FRMD3: variants seen among roughly 807,000 people sequenced by gnomAD.
The protein encoded by FRMD3 is FERM domain-containing protein 3.
Under a neutral mutation model 70.2 loss-of-function variants are expected in FRMD3, and 33 were observed. The observed-to-expected ratio is 0.47, with a 90% confidence interval of 0.36 to 0.63. The LOEUF is 0.63. FRMD3 is among the 20% of genes least tolerant of loss of function. The pLI is 0.00. For missense variants in FRMD3, 632 were observed against 711.4 expected, an observed-to-expected ratio of 0.89 and a Z score of 1.27; for synonymous variants, 279 against 255.9, an observed-to-expected ratio of 1.09 and a Z score of -0.86.
chr9:83,372,415 A>T (rs1043632687), intron 3 of FRMD3, among the ~76,000 whole-genome samples: 1 of 152,140 alleles, frequency 6.6e-6, no homozygotes, highest in Admixed American at 6.6e-5. Context: ...GATTTAAAAC[A>T]ATTGCCTAGA....
At chr9:83,372,033 CAA>C (rs1824990747) in intron 3 of FRMD3, among the ~76,000 whole-genome samples, 1 of 152,188 alleles carries the variant, frequency 6.6e-6, no homozygotes, top group Admixed American at 6.5e-5. Flanking sequence ...TGAATGACGA[CAA>C]GTGACATAAT....
intron 13 of FRMD3, among the ~76,000 whole-genome samples, chr9:83,269,788 T>C (rs1251096476): frequency 1.3e-5 from 2 of 152,192 alleles, no homozygotes; most frequent in Non-Finnish European, 2.9e-5. Context: ...TAGCCAGTCA[T>C]AATATTTAGC....
At chr9:83,471,690 A>G (rs1448648616) in intron 1 of FRMD3, among the ~76,000 whole-genome samples, 1 of 152,226 alleles carries the variant, frequency 6.6e-6, no homozygotes, top group Non-Finnish European at 1.5e-5. Flanking sequence ...TCTGACCACA[A>G]TGGGCTAGAT....
chr9:83,508,724 A>C (rs928083443), intron 1 of FRMD3, among the ~76,000 whole-genome samples: 1 of 152,128 alleles, frequency 6.6e-6, no homozygotes, highest in Non-Finnish European at 1.5e-5. Context: ...ATTCTAATGC[A>C]GGGAGTGACA....
chr9:83,426,387 T>C (rs11140082), intron 1 of FRMD3, among the ~76,000 whole-genome samples: 41,830 of 152,164 alleles, frequency 0.27, 6,634 homozygotes, highest in African/African-American at 0.42. Context: ...ACAATTCCTG[T>C]TCTCAAGAAA....
chr9:83,365,939 G>T (rs1025819282), intron 3 of FRMD3, among the ~76,000 whole-genome samples: 1 of 152,078 alleles, frequency 6.6e-6, no homozygotes, highest in African/African-American at 2.4e-5. Flanking sequence ...GCATCCTAAG[G>T]CCATGGCAGG....
intron 3 of FRMD3, among the ~76,000 whole-genome samples, chr9:83,358,519 C>T (rs1221417378): frequency 7.9e-5 from 12 of 151,946 alleles, no homozygotes; most frequent in Admixed American, 5.2e-4. Context: ...AAATTGCCTT[C>T]GGCAGTATGG....
chr9:83,449,255 A>G (rs1443986520), intron 1 of FRMD3, among the ~76,000 whole-genome samples: 1 of 152,214 alleles, frequency 6.6e-6, no homozygotes, highest in Non-Finnish European at 1.5e-5. Flanking sequence ...ACATTTTACA[A>G]TTTTGAAAAC....
At chr9:83,276,487 C>T (rs1045772881) in intron 13 of FRMD3, 1 of 152,150 alleles carries the variant, frequency 6.6e-6, no homozygotes, top group African/African-American at 2.4e-5. Flanking sequence ...TCTGTGTCTC[C>T]CTGTGGAAAA....
chr9:83,464,552 T>C (rs1828066355), intron 1 of FRMD3, among the ~76,000 whole-genome samples: 1 of 152,172 alleles, frequency 6.6e-6, no homozygotes, highest in South Asian at 2.1e-4. Flanking sequence ...ATGCAAAAAG[T>C]TGAAGCAAGC....
chr9:83,267,318 AG>A, intron 13 of FRMD3: 1 of 1,426,584 alleles, frequency 7.0e-7, no homozygotes, highest in Non-Finnish European at 9.2e-7. Context: ...GGGAGGAGGG[AG>A]GGGACGCTAT....
intron 13 of FRMD3, among the ~76,000 whole-genome samples, chr9:83,264,392 A>ATT (rs1252872712): frequency 3.3e-5 from 5 of 152,230 alleles, no homozygotes; most frequent in Admixed American, 1.3e-4. Context: ...GATACATGCC[A>ATT]TTAAACATTT....
chr9:83,561,349 T>A, the FRMD3 span, among the ~76,000 whole-genome samples: 59 of 152,234 alleles, frequency 3.9e-4, no homozygotes, highest in African/African-American at 1.4e-3. Flanking sequence ...CCCTTCCTCA[T>A]CCTCTCTCTC....
In FRMD3 at chr9:83,335,568, G is replaced by C. The variant is rs1823547851; in HGVS notation, c.544C>G (p.Gln182Glu). The C allele has an allele frequency of 1.2e-6, 2 of 1,612,724 alleles. No individual in the cohort carries two copies. Among genetic ancestry groups the C allele is most frequent in the Non-Finnish European group, 1.7e-6 (2 of 1,179,066 alleles). The change falls in exon 6 of 14, where the codon CAG becomes GAG. Residue 182 changes from glutamine (Q) to glutamate (E), a missense_variant. Physicochemically the swap from Gln to Glu is conservative, Grantham distance 29. Around this residue, in one of 3 missense-constraint regions of FRMD3, gnomAD observed 208 missense variants for 247.7 expected, o/e 0.84. Coordinates refer to ENST00000304195, the MANE Select transcript of FRMD3 (RefSeq NM_174938.6). ...ATTTTTCTTTCCAGCTTCTGTGACT[G>C]CTTGGGGAAAATCTCAAACTCACTG... ...YISEFEIFPK[Q>E]SQKLERKIVE...
intron 1 of FRMD3, among the ~76,000 whole-genome samples, chr9:83,454,165 T>C (rs558304662): frequency 6.6e-6 from 1 of 152,370 alleles, no homozygotes; most frequent in African/African-American, 2.4e-5. Context: ...CATTACATAT[T>C]AGTACATCTT....
intron 6 of FRMD3, among the ~76,000 whole-genome samples, chr9:83,324,265 T>C (rs536283103): frequency 7.9e-5 from 12 of 152,304 alleles, no homozygotes; most frequent in East Asian, 7.7e-4. Context: ...CATTGACTAA[T>C]ACATATGTAT....
rs944425724 is a variant in FRMD3, at chr9:83,384,815, C to T, written c.252+4789G>A. ...GAGTCAAAATCAGAAAAGTCAACAA[C>T]ACTGATGGAAATGGGTTAAACAGAT... On this transcript the variant is annotated intron_variant, in intron 2 of 13. Coordinates refer to ENST00000304195, the MANE Select transcript of FRMD3 (RefSeq NM_174938.6). Among the ~76,000 whole-genome samples, 4 of 152,270 alleles carry T rather than the reference C, an allele frequency of 2.6e-5. No individual in the cohort carries two copies. The South Asian group carries it at 8.3e-4, about 32-fold the overall frequency.
intron 1 of FRMD3, among the ~76,000 whole-genome samples, chr9:83,470,881 A>G (rs1309837757): frequency 6.6e-6 from 1 of 152,260 alleles, no homozygotes; most frequent in Non-Finnish European, 1.5e-5. Context: ...ATGCAATAAA[A>G]GTGACTGAAG....
At chr9:83,250,642 G>A (rs1832361819) in intron 13 of FRMD3, among the ~76,000 whole-genome samples, 1 of 152,202 alleles carries the variant, frequency 6.6e-6, no homozygotes, top group African/African-American at 2.4e-5. Context: ...CATCTATGCA[G>A]CTTAGTTGAC....
Sources: gnomAD v4.1 joint callset for allele counts (sites outside exome capture counted in the v4.1 genomes callset) on GRCh38, gnomAD v4.1.1 for gene constraint, gnomAD v4.1.1 regional missense constraint, MANE v1.5 for transcripts, NCBI Gene and HGNC (gene_info 2026-07-23, HGNC 2026-07-21) for gene names.